Variants in PTPRT observed in about 807,000 individuals in gnomAD.
PTPRT encodes the protein receptor-type tyrosine-protein phosphatase T.
In PTPRT, 56 loss-of-function variants were observed where a neutral mutation model predicts 176.8. The observed-to-expected ratio is 0.32, with a 90% confidence interval of 0.26 to 0.40. The LOEUF (loss-of-function observed/expected upper bound fraction) is 0.40. PTPRT is among the 10% of genes least tolerant of loss of function. PTPRT has a pLI of 1.00. For missense variants in PTPRT, 1,540 were observed against 1,908.2 expected (o/e 0.81, Z 3.60); for synonymous variants, 783 against 739.0 (o/e 1.06, Z -0.96).
chr20:42,169,444 A>G (rs1989979697), intron 16 of PTPRT, among the ~76,000 whole-genome samples: 6 of 151,962 alleles, frequency 3.9e-5, no homozygotes, highest in Admixed American at 3.9e-4. Flanking sequence ...ATAAACATCC[A>G]TTGCTCCTCT....
At chr20:42,734,253 G>C (rs1338063208) in intron 6 of PTPRT, among the ~76,000 whole-genome samples, 1 of 152,288 alleles carries the variant, frequency 6.6e-6, no homozygotes, top group South Asian at 2.1e-4. Context: ...GTTCTGGGGA[G>C]TGACATTGAC....
chr20:42,689,386 C>A (rs1216185246), intron 6 of PTPRT, among the ~76,000 whole-genome samples: 1 of 152,170 alleles, frequency 6.6e-6, no homozygotes, highest in Non-Finnish European at 1.5e-5. Flanking sequence ...CCTTCCCACT[C>A]CATCCTCCCC....
intron 1 of PTPRT, among the ~76,000 whole-genome samples, chr20:42,983,689 A>G (rs1983403699): frequency 6.6e-6 from 1 of 152,238 alleles, no homozygotes; most frequent in Non-Finnish European, 1.5e-5. Flanking sequence ...ACAACCCACT[A>G]GAAATGAGAG....
intron 1 of PTPRT, among the ~76,000 whole-genome samples, chr20:43,026,180 C>T (rs1355864815): frequency 2.6e-5 from 4 of 152,092 alleles, no homozygotes; most frequent in East Asian, 1.9e-4. Flanking sequence ...TGCAGTGGTG[C>T]GACCTCAGCT....
chr20:42,812,697 T>A (rs745892487), intron 2 of PTPRT, among the ~76,000 whole-genome samples: 1 of 152,162 alleles, frequency 6.6e-6, no homozygotes, highest in Non-Finnish European at 1.5e-5. Context: ...TTATATATAC[T>A]AGACATGTTG....
intron 7 of PTPRT, among the ~76,000 whole-genome samples, chr20:42,563,291 T>C (rs1171012546): frequency 6.6e-6 from 1 of 152,170 alleles, no homozygotes; most frequent in Non-Finnish European, 1.5e-5. Flanking sequence ...AAAAAGTTGC[T>C]CAACATAATC....
intron 7 of PTPRT, among the ~76,000 whole-genome samples, chr20:42,612,188 C>T (rs538775698): frequency 6.6e-6 from 1 of 152,272 alleles, no homozygotes; most frequent in South Asian, 2.1e-4. Context: ...GCACACAGTT[C>T]CCTACTCTCC....
chr20:42,051,463 C>T, the PTPRT span, among the ~76,000 whole-genome samples: 1 of 152,130 alleles, frequency 6.6e-6, no homozygotes, highest in South Asian at 2.1e-4. Flanking sequence ...TTTGAAGGGT[C>T]TAGTCTTCAG....
chr20:42,233,530 G>C (rs2056178661), intron 15 of PTPRT, among the ~76,000 whole-genome samples: 2 of 152,160 alleles, frequency 1.3e-5, no homozygotes, highest in South Asian at 2.1e-4. Flanking sequence ...TTGGCATGTG[G>C]TGGTGGTTTC....
intron 2 of PTPRT, among the ~76,000 whole-genome samples, chr20:42,798,687 G>A (rs975928160): frequency 2.6e-5 from 4 of 152,076 alleles, no homozygotes; most frequent in African/African-American, 9.7e-5. Flanking sequence ...TGAATATTGT[G>A]AACATTTTGT....
chr20:42,716,498 C>T (rs918294555), intron 6 of PTPRT, among the ~76,000 whole-genome samples: 2 of 152,138 alleles, frequency 1.3e-5, no homozygotes, highest in Non-Finnish European at 2.9e-5. Flanking sequence ...TCTCTGATGA[C>T]CAGTGATGAT....
At position 42,116,539 on chromosome 20, in the gene PTPRT, G is replaced by A. The variant is rs551871409; in HGVS notation, c.2983-1224C>T. Among the ~76,000 whole-genome samples, 4 of 152,200 alleles carry A rather than the reference G, an allele frequency of 2.6e-5. No individual in the cohort carries two copies. In the East Asian group the frequency reaches 5.8e-4, roughly 22 times the overall value. Reference sequence around the variant, plus strand: ...ACTGACTGTGTACTCTGTCTACCACGGCTCACAAAGTGTTCTGCGAATACT... The same window carrying A: ...ACTGACTGTGTACTCTGTCTACCACAGCTCACAAAGTGTTCTGCGAATACT... On this transcript the variant is annotated intron_variant, in intron 21 of 30. Transcript: ENST00000373187.
At chr20:42,144,724 TG>T (rs1212795852) in intron 17 of PTPRT, among the ~76,000 whole-genome samples, 1 of 152,222 alleles carries the variant, frequency 6.6e-6, no homozygotes, top group Non-Finnish European at 1.5e-5. Context: ...ATCCTGCTCA[TG>T]CCCTTTCATT....
chr20:42,982,928 C>T (rs557425210), intron 1 of PTPRT, among the ~76,000 whole-genome samples: 1 of 152,346 alleles, frequency 6.6e-6, no homozygotes, highest in South Asian at 2.1e-4. Context: ...ATAATCACTA[C>T]CTCCCACATA....
At chr20:42,215,054 C>T (rs1041340209) in intron 15 of PTPRT, among the ~76,000 whole-genome samples, 3 of 152,226 alleles carry the variant, frequency 2.0e-5, no homozygotes, top group African/African-American at 2.4e-5. Flanking sequence ...CTGTCACCTA[C>T]CAAATAAGCT....
chr20:43,025,436 AAC>A (rs1342014925), intron 1 of PTPRT, among the ~76,000 whole-genome samples: 2 of 152,188 alleles, frequency 1.3e-5, no homozygotes, highest in African/African-American at 4.8e-5. Flanking sequence ...TGTGGTACTT[AAC>A]AGTTTACAAA....
chr20:42,452,700 A>G (rs2070853166), intron 8 of PTPRT, among the ~76,000 whole-genome samples: 1 of 152,208 alleles, frequency 6.6e-6, no homozygotes, highest in African/African-American at 2.4e-5. Context: ...AACTCAAGCT[A>G]ATAGATCTTG....
At chr20:43,074,418 A>G (rs927777464) in intron 1 of PTPRT, among the ~76,000 whole-genome samples, 1 of 152,226 alleles carries the variant, frequency 6.6e-6, no homozygotes, top group Non-Finnish European at 1.5e-5. Flanking sequence ...CTTGTTGGCA[A>G]TCTGTACTGG....
At chr20:42,237,475 T>A (rs1285818190) in intron 14 of PTPRT, among the ~76,000 whole-genome samples, 1 of 152,234 alleles carries the variant, frequency 6.6e-6, no homozygotes. Context: ...CACTGTGTAA[T>A]GAAGAAGGAG....
Sources: allele counts gnomAD v4.1 joint callset (sites outside exome capture counted in the v4.1 genomes callset), GRCh38; gene constraint gnomAD v4.1.1; transcripts MANE v1.5; gene names NCBI Gene and HGNC (gene_info 2026-07-23, HGNC 2026-07-21).